The following CTBS variants were observed in gnomAD, a reference collection of about 807,000 sequenced individuals.
CTBS encodes di-N-acetylchitobiase.
A neutral mutation model predicts 44.3 loss-of-function variants in CTBS; 35 were observed. The observed-to-expected ratio is 0.79, with a 90% CI of 0.60 to 1.05. The LOEUF is 1.05. Ranked by LOEUF, CTBS falls within the 50% of genes least tolerant of loss-of-function variation. CTBS has a pLI of 0.00. For missense variants in CTBS, 458 were observed against 475.3 expected (o/e 0.96, Z 0.34); for synonymous variants, 143 against 168.0 (o/e 0.85, Z 1.15).
At position 84,565,893 on chromosome 1, in the gene CTBS, G is replaced by T. The variant is rs114528495; in HGVS notation, c.645C>A (p.Ile215=). ...TGGCTGCTGCAATACATTCTGACCA[G>T]ATCTGACTTTGTTCATCATAAGACA... The part of the protein sequence containing the change: ...FVMSYDEQSQ[I]WSECIAAANA... Residue 215 remains isoleucine (I), a synonymous_variant, in exon 4 of 7, where the codon ATC becomes ATA. Transcript: ENST00000370630. The T allele has an allele frequency of 8.8e-3, 14,033 of 1,593,220 alleles. 90 individuals are homozygous for T. Among genetic ancestry groups the T allele is most frequent in the Non-Finnish European group, 0.01 (11,818 of 1,170,860 alleles).
rs1684252998 is a variant in CTBS, at chr1:84,550,963, G to T, written c.*4036C>A. Reference sequence around the variant, plus strand: ...TCTATTATTTAAATATGAATAATGTGTCTTCTACTAGATGTTAAGTTTCCT... The same window carrying T: ...TCTATTATTTAAATATGAATAATGTTTCTTCTACTAGATGTTAAGTTTCCT... On this transcript the variant is annotated 3_prime_UTR_variant, in exon 7 of 7. Transcript: ENST00000370630. 1.0e-6 allele frequency: 1 copy of T among 982,172 alleles called. No individual in the cohort carries two copies. 60.8% of individuals were successfully genotyped at this position (982,172 alleles called of 1,614,324 possible).
intron 6 of CTBS, among the ~76,000 whole-genome samples, chr1:84,555,688 C>T (rs1385639255): frequency 1.3e-5 from 2 of 152,198 alleles, no homozygotes; most frequent in Admixed American, 6.5e-5. Context: ...TTAGCCAAGG[C>T]GTACATCTGA....
Position 84,570,035 on chromosome 1 carries a change from C to T in CTBS, c.421G>A (p.Asp141Asn). 1 of 1,613,490 alleles carries T rather than the reference C, an allele frequency of 6.2e-7. No individual in the cohort carries two copies. Among genetic ancestry groups the T allele is most frequent in the Non-Finnish European group, 8.5e-7 (1 of 1,179,638 alleles). The change falls in exon 3 of 7, where the codon GAT (aspartate) becomes AAT (asparagine). Residue 141 changes from aspartate (D) to asparagine (N), a missense_variant. By Grantham distance (23) the Asp-to-Asn change is conservative. Coordinates refer to ENST00000370630, the MANE Select transcript of CTBS (RefSeq NM_004388.3). ...AAACAATTAACTTCTTGCTCTATAT[C>T]TATATTAATTCCATCCATATATTGT... ...KTQYMDGINI[D>N]IEQEVNCLSP...
At chr1:84,572,218 A>ATTT (rs1419435343) in intron 1 of CTBS, among the ~76,000 whole-genome samples, 1 of 151,316 alleles carries the variant, frequency 6.6e-6, no homozygotes, top group Non-Finnish European at 1.5e-5. Flanking sequence ...GCATTTCTTA[A>ATTT]TTTTTTTTAA....
chr1:84,565,969 C>T lies in CTBS; in HGVS notation c.569G>A (p.Arg190Lys). 6.3e-7 allele frequency: 1 copy of T among 1,588,662 alleles called. No homozygotes were observed. Among genetic ancestry groups the T allele is most frequent in the South Asian group, 1.2e-5 (1 of 85,908 alleles). Residue 190 changes from arginine (R) to lysine (K), a missense_variant, in exon 4 of 7, where the codon AGA becomes AAA. Transcript: ENST00000370630. Reference protein sequence around the residue: ...VAWSPKNIDRRCYNYTGIADA... With the variant: ...VAWSPKNIDRKCYNYTGIADA... ...TGCGATTCCAGTATAATTATAGCAT[C>T]TTCTGTCTATGTTCTTTGGAGACCA... is the stretch of plus-strand genomic sequence containing the variant.
At chr1:84,559,529 C>T (rs1684547966) in intron 6 of CTBS, among the ~76,000 whole-genome samples, 1 of 151,768 alleles carries the variant, frequency 6.6e-6, no homozygotes, top group Non-Finnish European at 1.5e-5. Context: ...GGCTAAGGCA[C>T]GAGACTCACT....
Position 84,569,963 on chromosome 1 carries a change from C to T in CTBS, c.493G>A (p.Asp165Asn), listed in dbSNP as rs1382747727. 4 of 1,611,486 alleles carry T rather than the reference C, an allele frequency of 2.5e-6. No homozygotes were observed. The East Asian group carries it at 8.9e-5, about 36-fold the overall frequency. Residue 165 changes from aspartate (D) to asparagine (N), a missense_variant, in exon 3 of 7, where the codon GAC becomes AAC. By Grantham distance (23) the Asp-to-Asn change is conservative. Coordinates refer to ENST00000370630, the MANE Select transcript of CTBS (RefSeq NM_004388.3). ...ALTALVKETT[D>N]SFHREIEGSQ... is the part of the protein sequence containing the mutation. ...CCCTCAATTTCACGATGGAAAGAGT[C>T]TGTAGTTTCTTTGACTAAAGCAGTT...
At position 84,554,302 on chromosome 1, in the gene CTBS, C is replaced by T. The variant is rs879286195; in HGVS notation, c.*697G>A. 2.6e-5 allele frequency: 4 copies of T among 152,090 alleles called. No homozygotes were observed. The highest frequency in any genetic ancestry group is 4.4e-5 in the Non-Finnish European group (3 of 68,010). 9.4% of individuals were successfully genotyped at this position (152,090 alleles called of 1,614,324 possible). A position where few individuals can be genotyped will look rare whatever the true frequency, so the allele number is the denominator to read the frequency against. On this transcript the variant is annotated 3_prime_UTR_variant, in exon 7 of 7. Transcript: ENST00000370630. The stretch of plus-strand genomic sequence containing the variant: ...TATTAAAAATTTTACAAATGAGCCT[C>T]ATAAAAATAATGTAGTTGGAAAATA...
intron 6 of CTBS, among the ~76,000 whole-genome samples, chr1:84,558,482 G>A (rs1019040563): frequency 6.6e-6 from 1 of 151,206 alleles, no homozygotes; most frequent in East Asian, 2.0e-4. Flanking sequence ...TAGTAGAGAC[G>A]GGGTTTCACC....
chr1:84,552,970 C>A lies in CTBS; in HGVS notation c.*2029G>T. 1 of 1,087,872 alleles carries A rather than the reference C, an allele frequency of 9.2e-7. No individual in the cohort carries two copies. Among genetic ancestry groups the A allele is most frequent in the Non-Finnish European group, 1.3e-6 (1 of 761,530 alleles). The allele number at this position is 1,087,872 out of a possible 1,614,324, so 67.4% of individuals were successfully genotyped here. On this transcript the variant is annotated 3_prime_UTR_variant, in exon 7 of 7. Transcript: ENST00000370630. ...GGTTACAAAAACCCTGTTTACATGA[C>A]AACTATGATGTACTTTTAGAAGGGT...
intron 1 of CTBS, chr1:84,573,976 C>A: frequency 7.3e-7 from 1 of 1,360,674 alleles, no homozygotes; most frequent in Non-Finnish European, 9.4e-7. Flanking sequence ...ATGAAAGGAG[C>A]TTGCCTTAGG....
At chr1:84,564,537 G>A (rs1425396520) in intron 4 of CTBS, among the ~76,000 whole-genome samples, 1 of 152,140 alleles carries the variant, frequency 6.6e-6, no homozygotes, top group Non-Finnish European at 1.5e-5. Context: ...GGTTTATTTA[G>A]TTTGGTTGTT....
intron 6 of CTBS, among the ~76,000 whole-genome samples, chr1:84,560,762 A>T (rs1684581796): frequency 6.6e-6 from 1 of 152,202 alleles, no homozygotes; most frequent in African/African-American, 2.4e-5. Context: ...ATCCTATGGC[A>T]CTTAAGAATT....
chr1:84,573,983 T>TA, intron 1 of CTBS: 1 of 1,364,422 alleles, frequency 7.3e-7, no homozygotes, highest in South Asian at 1.8e-5. Context: ...GAGCTTGCCT[T>TA]AGGAGGCAGA....
chr1:84,574,393 C>A lies in CTBS; in HGVS notation c.23G>T (p.Arg8Leu). The change falls in exon 1 of 7, where the codon CGC (arginine) becomes CTC (leucine). Residue 8 changes from arginine (R) to leucine (L), a missense_variant. Coordinates refer to ENST00000370630, the MANE Select transcript of CTBS (RefSeq NM_004388.3). ...CGGCGGGCTAGAGACGAGGCGCCAG[C>A]GTCGAAGCTGCGGCCGGGACATAGC... The part of the protein sequence containing the change: MSRPQLR[R>L]WRLVSSPPSG... 2 of 1,557,368 alleles carry A rather than the reference C, an allele frequency of 1.3e-6. No homozygotes were observed. Among genetic ancestry groups the A allele is most frequent in the Non-Finnish European group, 1.7e-6 (2 of 1,152,696 alleles).
Position 84,554,306 on chromosome 1 carries a change from A to G in CTBS, c.*693T>C, listed in dbSNP as rs1339037901. On this transcript the variant is annotated 3_prime_UTR_variant, in exon 7 of 7. Coordinates refer to ENST00000370630, the MANE Select transcript of CTBS (RefSeq NM_004388.3). ...AAAAATTTTACAAATGAGCCTCATA[A>G]AAATAATGTAGTTGGAAAATATTAG... The G allele has an allele frequency of 1.3e-5, 2 of 152,202 alleles. No homozygotes were observed. Among genetic ancestry groups the G allele is most frequent in the Non-Finnish European group, 2.9e-5 (2 of 68,038 alleles). The allele number at this position is 152,202 out of a possible 1,614,324, so 9.4% of individuals were successfully genotyped here. A position where few individuals can be genotyped will look rare whatever the true frequency, so the allele number is the denominator to read the frequency against.
At position 84,550,559 on chromosome 1, in the gene CTBS, T is replaced by C; in HGVS notation, c.*4440A>G. ...ATTTACATTTTTCCTAATCAGATTA[T>C]TATAACATTTATCTTGAAATAAAAT... On this transcript the variant is annotated 3_prime_UTR_variant, in exon 7 of 7. Coordinates refer to ENST00000370630, the MANE Select transcript of CTBS (RefSeq NM_004388.3). The C allele has an allele frequency of 6.8e-7, 1 of 1,473,552 alleles. No homozygotes were observed. The highest frequency in any genetic ancestry group is 1.4e-5 in the South Asian group (1 of 70,734). The allele number at this position is 1,473,552 out of a possible 1,614,324, so 91.3% of individuals were successfully genotyped here. A position where few individuals can be genotyped will look rare whatever the true frequency, so the allele number is the denominator to read the frequency against.
In CTBS at chr1:84,570,068, C is replaced by T; in HGVS notation, c.388G>A (p.Ala130Thr). The change falls in exon 3 of 7, where the codon GCC becomes ACC. Residue 130 changes from alanine to threonine, a missense_variant. Ala to Thr is a moderately conservative substitution (Grantham distance 58). Transcript: ENST00000370630. Reference protein sequence around the residue: ...ASWIAQKLNLAKTQYMDGINI... With the variant: ...ASWIAQKLNLTKTQYMDGINI... ...ATTCCATCCATATATTGTGTTTTGG[C>T]CAAATTAAGTTTTTGAGCTATCCAG... 4 of 1,613,582 alleles carry T rather than the reference C, an allele frequency of 2.5e-6. No individual in the cohort carries two copies. Among genetic ancestry groups the T allele is most frequent in the Non-Finnish European group, 3.4e-6 (4 of 1,179,806 alleles).
intron 6 of CTBS, among the ~76,000 whole-genome samples, chr1:84,561,910 G>T (rs977778032): frequency 6.6e-6 from 1 of 152,072 alleles, no homozygotes; most frequent in African/African-American, 2.4e-5. Context: ...TATGCACAGG[G>T]AAACAAAAAA....
Sources: allele counts gnomAD v4.1 joint callset (sites outside exome capture counted in the v4.1 genomes callset), GRCh38; gene constraint gnomAD v4.1.1; transcripts MANE v1.5; gene names NCBI Gene and HGNC (gene_info 2026-07-23, HGNC 2026-07-21).